Variants in MPDZ observed in about 807,000 individuals in gnomAD.
MPDZ encodes multiple PDZ domain crumbs cell polarity complex component, also known as multiple PDZ domain protein.
Under a neutral mutation model 239.1 loss-of-function variants are expected in MPDZ, and 234 were observed. That is an observed-to-expected ratio of 0.98 (90% CI 0.88 to 1.09). The LOEUF is 1.09. Among genes scored for constraint, MPDZ ranks in the 50% least tolerant of loss-of-function variants. The probability of loss-of-function intolerance (pLI) is 0.00; values close to 1 mark genes in which losing one functional copy is unlikely to be tolerated. For synonymous variants in MPDZ, 1,048 were observed against 881.3 expected (o/e 1.19, Z -3.35); for missense variants, 3,175 against 2,510.0 (o/e 1.26, Z -5.66).
chr9:13,260,294 GA>G (rs2138663528), intron 1 of MPDZ, among the ~76,000 whole-genome samples: 1 of 152,202 alleles, frequency 6.6e-6, no homozygotes, highest in South Asian at 2.1e-4. Flanking sequence ...AGAAGAAAAG[GA>G]AAATAAAGGA....
chr9:13,108,971 C>A lies in MPDZ; in HGVS notation c.6031G>T (p.Asp2011Tyr). ...ACTGTTTTAACATAAATGGGTAAGTCTCCATGAGGGCTGCCATATCCTCCA... is the reference window on the plus strand; with the variant it reads ...ACTGTTTTAACATAAATGGGTAAGTATCCATGAGGGCTGCCATATCCTCCA... ...IVGGYGSPHG[D>Y]LPIYVKTVFA... The change falls in exon 46 of 47, where the codon GAC becomes TAC. Residue 2011 changes from aspartate (D) to tyrosine (Y), a missense_variant. Asp to Tyr is a radical substitution (Grantham distance 160). Transcript: ENST00000319217. 2 of 1,609,320 alleles carry A rather than the reference C, an allele frequency of 1.2e-6. No homozygotes were observed. The highest frequency in any genetic ancestry group is 1.7e-6 in the Non-Finnish European group (2 of 1,177,712).
chr9:13,165,604 G>C (rs892644257), intron 22 of MPDZ: 14 of 478,532 alleles, frequency 2.9e-5, no homozygotes, highest in African/African-American at 2.6e-4. Flanking sequence ...GTCTATAGCA[G>C]TGATTATTAA....
chr9:13,217,517 A>C (rs1216225456), intron 8 of MPDZ, among the ~76,000 whole-genome samples: 1 of 151,850 alleles, frequency 6.6e-6, no homozygotes, highest in Non-Finnish European at 1.5e-5. Context: ...ATAAGGTTGA[A>C]CCTTCCCTTA....
At chr9:13,127,589 T>C (rs1945312286) in intron 32 of MPDZ, among the ~76,000 whole-genome samples, 1 of 152,244 alleles carries the variant, frequency 6.6e-6, no homozygotes, top group Admixed American at 6.5e-5. Context: ...ATGGTTTCTC[T>C]GAAATATACA....
intron 12 of MPDZ, among the ~76,000 whole-genome samples, chr9:13,202,402 C>G (rs10122232): frequency 0.95 from 144,425 of 152,222 alleles, 68,833 homozygotes; most frequent in East Asian, 1. Flanking sequence ...TCCATGAGAG[C>G]ACCAGGATTT....
At chr9:13,209,157 A>G (rs1957333074) in intron 10 of MPDZ, among the ~76,000 whole-genome samples, 2 of 152,176 alleles carry the variant, frequency 1.3e-5, no homozygotes, top group Non-Finnish European at 2.9e-5. Flanking sequence ...ATCAGATGGT[A>G]TATGTGGATC....
chr9:13,185,717 T>C (rs1263682110), intron 18 of MPDZ, among the ~76,000 whole-genome samples: 1 of 152,168 alleles, frequency 6.6e-6, no homozygotes, highest in Admixed American at 6.6e-5. Context: ...ATGGATACTA[T>C]TTTAAACATC....
At chr9:13,231,103 T>G (rs539097228) in intron 3 of MPDZ, among the ~76,000 whole-genome samples, 1 of 152,126 alleles carries the variant, frequency 6.6e-6, no homozygotes, top group African/African-American at 2.4e-5. Flanking sequence ...GTAATAAAAC[T>G]GATAAACCTC....
chr9:13,106,158 T>C lies in MPDZ; in HGVS notation c.*807A>G, dbSNP rs545004987. 55 of 152,316 alleles carry C rather than the reference T, an allele frequency of 3.6e-4. No individual in the cohort carries two copies. Among genetic ancestry groups the C allele is most frequent in the African/African-American group, 1.2e-3 (49 of 41,580 alleles). The allele number at this position is 152,316 out of a possible 1,614,324, so 9.4% of individuals were successfully genotyped here. A position where few individuals can be genotyped will look rare whatever the true frequency, so the allele number is the denominator to read the frequency against. On this transcript the variant is annotated 3_prime_UTR_variant, in exon 47 of 47. Transcript: ENST00000319217. ...CACTAAAGATTCTGGAACCCTTCTA[T>C]GTTCCTCTATGGTTAGCAGCATAGT... is the stretch of plus-strand genomic sequence containing the variant.
chr9:13,202,283 C>A (rs1956475663), intron 12 of MPDZ, among the ~76,000 whole-genome samples: 2 of 152,232 alleles, frequency 1.3e-5, no homozygotes, highest in South Asian at 4.1e-4. Context: ...TTAAACACTG[C>A]CCTAGAATTT....
At chr9:13,218,761 A>C (rs2136192933) in intron 8 of MPDZ, among the ~76,000 whole-genome samples, 1 of 152,070 alleles carries the variant, frequency 6.6e-6, no homozygotes, top group Admixed American at 6.6e-5. Flanking sequence ...TATAAGGCTT[A>C]TCTAGAAACT....
At chr9:13,227,325 G>T (rs1314000658) in intron 3 of MPDZ, among the ~76,000 whole-genome samples, 1 of 151,992 alleles carries the variant, frequency 6.6e-6, no homozygotes, top group Non-Finnish European at 1.5e-5. Flanking sequence ...ATCTATAGCA[G>T]GCATGATCAA....
intron 1 of MPDZ, among the ~76,000 whole-genome samples, chr9:13,264,200 A>G (rs1276645274): frequency 6.6e-6 from 1 of 152,126 alleles, no homozygotes; most frequent in Admixed American, 6.6e-5. Flanking sequence ...TTGGCTTTTG[A>G]AAGTTATTTT....
intron 25 of MPDZ, 68 bp from the exon 26 acceptor site, chr9:13,147,726 G>C: frequency 8.9e-7 from 1 of 1,119,138 alleles, no homozygotes; most frequent in South Asian, 1.4e-5. Flanking sequence ...TGTGGATATG[G>C]AGTTTTAGGG....
chr9:13,116,981 G>A lies in MPDZ; in HGVS notation c.5380-1647C>T, dbSNP rs143947369. Among the ~76,000 whole-genome samples, 243 of 152,050 alleles carry A rather than the reference G, an allele frequency of 1.6e-3. 1 individual carries two copies. The highest frequency in any genetic ancestry group is 4.0e-3 in the Admixed American group (61 of 15,276). On this transcript the variant is annotated intron_variant, in intron 39 of 46. Coordinates refer to ENST00000319217, the MANE Select transcript of MPDZ (RefSeq NM_001378778.1). ...GGGGGAATATGTTCTAAGACCCCCC[G>A]CCAGTGGATGCCTGACACTATGGAT... is the stretch of plus-strand genomic sequence containing the variant.
chr9:13,231,932 C>T (rs1377580217), intron 3 of MPDZ, among the ~76,000 whole-genome samples: 1 of 152,042 alleles, frequency 6.6e-6, no homozygotes, highest in African/African-American at 2.4e-5. Context: ...GTTGAATTAA[C>T]ACTTGAAAAT....
chr9:13,271,759 A>G (rs1973027494), intron 1 of MPDZ, among the ~76,000 whole-genome samples: 1 of 152,194 alleles, frequency 6.6e-6, no homozygotes, highest in Non-Finnish European at 1.5e-5. Context: ...AGAGTTCTAA[A>G]TGACTTAAAA....
intron 16 of MPDZ, 81 bp downstream of exon 16, chr9:13,190,033 G>T: frequency 8.1e-7 from 1 of 1,239,498 alleles, no homozygotes; most frequent in South Asian, 1.5e-5. Flanking sequence ...CATCTTTGAT[G>T]GTTATAAACT....
At chr9:13,136,508 A>C (rs1476697288) in intron 30 of MPDZ, among the ~76,000 whole-genome samples, 2 of 150,908 alleles carry the variant, frequency 1.3e-5, no homozygotes, top group South Asian at 4.2e-4. Context: ...ATTTTTTTTT[A>C]GTAGAGACGG....
Sources: allele counts gnomAD v4.1 joint callset (sites outside exome capture counted in the v4.1 genomes callset), GRCh38; gene constraint gnomAD v4.1.1; transcripts MANE v1.5; gene names NCBI Gene and HGNC (gene_info 2026-07-23, HGNC 2026-07-21).